The following RELL1 variants were observed in gnomAD, a reference collection of about 807,000 sequenced individuals.
RELL1 encodes the protein RELT-like protein 1.
In RELL1, 10 loss-of-function variants were observed where a neutral mutation model predicts 23.0. The observed-to-expected ratio is 0.43, with a 90% CI of 0.27 to 0.74. The LOEUF is 0.74. RELL1 is among the 30% of genes least tolerant of loss of function. The probability of loss-of-function intolerance (pLI) is 0.19; values close to 1 mark genes in which losing one functional copy is unlikely to be tolerated. For synonymous variants in RELL1, 146 were observed against 146.8 expected, an observed-to-expected ratio of 0.99 and a Z score of 0.04; for missense variants, 315 against 364.4, an observed-to-expected ratio of 0.86 and a Z score of 1.10.
downstream of RELL1, among the ~76,000 whole-genome samples, chr4:37,605,795 GAAAGAAAGAA>G (rs1438477301): frequency 5.3e-3 from 403 of 76,746 alleles, 3 homozygotes; most frequent in African/African-American, 0.018. Context: ...GAAAGAAAGA[GAAAGAAAGAA>G]AGAAAGAAAG....
At chr4:37,672,947 A>G (rs1318531013) in intron 1 of RELL1, among the ~76,000 whole-genome samples, 1 of 152,184 alleles carries the variant, frequency 6.6e-6, no homozygotes, top group Non-Finnish European at 1.5e-5. Flanking sequence ...GGGCCAAAAA[A>G]TGAAAATATA....
intron 6 of RELL1, among the ~76,000 whole-genome samples, chr4:37,605,620 T>C: frequency 6.6e-6 from 1 of 151,672 alleles, no homozygotes; most frequent in East Asian, 1.9e-4. Flanking sequence ...CGTATGCTTG[T>C]AATCCCAGCT....
At chr4:37,624,803 C>T (rs997822448) in intron 6 of RELL1, among the ~76,000 whole-genome samples, 3 of 152,162 alleles carry the variant, frequency 2.0e-5, no homozygotes, top group African/African-American at 7.2e-5. Context: ...TTGACAAATA[C>T]TATCTATTTC....
chr4:37,601,934 C>T (rs1049096706), intron 6 of RELL1, among the ~76,000 whole-genome samples: 1 of 152,016 alleles, frequency 6.6e-6, no homozygotes, highest in Non-Finnish European at 1.5e-5. Context: ...AGCAACCAGG[C>T]TGGGCACAGT....
At chr4:37,669,388 C>G (rs1179047426) in intron 1 of RELL1, among the ~76,000 whole-genome samples, 1 of 148,140 alleles carries the variant, frequency 6.8e-6, no homozygotes, top group African/African-American at 2.5e-5. Flanking sequence ...CCCGGCCAGC[C>G]GCCCCGTCCG....
At chr4:37,613,439 A>AAT (rs1451852561) in intron 6 of RELL1, 97 bp from the exon 7 acceptor site, 1 of 152,160 alleles carries the variant, frequency 6.6e-6, no homozygotes, top group Non-Finnish European at 1.5e-5. Context: ...GAAGAATTAT[A>AAT]ATCTATTCTT....
intron 6 of RELL1, among the ~76,000 whole-genome samples, chr4:37,600,534 A>C (rs559336933): frequency 3.9e-5 from 6 of 152,192 alleles, no homozygotes; most frequent in Non-Finnish European, 8.8e-5. Context: ...CATTATCTTC[A>C]TCATTTAACA....
At chr4:37,602,575 T>C (rs529842105) in intron 6 of RELL1, among the ~76,000 whole-genome samples, 1 of 151,784 alleles carries the variant, frequency 6.6e-6, no homozygotes, top group South Asian at 2.1e-4. Flanking sequence ...TGATCAGCCG[T>C]GGGGGATGGA....
At chr4:37,638,224 G>C (rs942959283) in intron 4 of RELL1, among the ~76,000 whole-genome samples, 11 of 152,174 alleles carry the variant, frequency 7.2e-5, no homozygotes, top group Non-Finnish European at 1.0e-4. Flanking sequence ...GGGAGGGTGG[G>C]GGCAGGGGAT....
At chr4:37,600,878 G>T (rs1215700278) in intron 6 of RELL1, among the ~76,000 whole-genome samples, 2 of 151,736 alleles carry the variant, frequency 1.3e-5, no homozygotes. Flanking sequence ...TTCAATTTGG[G>T]TATAATGTTA....
chr4:37,627,202 T>A (rs1185755296), intron 6 of RELL1, among the ~76,000 whole-genome samples: 1 of 152,208 alleles, frequency 6.6e-6, no homozygotes, highest in Non-Finnish European at 1.5e-5. Flanking sequence ...AAAGTATGGT[T>A]ATGTAAACTT....
At chr4:37,605,637 G>A (rs1346167894), downstream of RELL1, among the ~76,000 whole-genome samples, 1 of 151,732 alleles carries the variant, frequency 6.6e-6, no homozygotes, top group African/African-American at 2.4e-5. Context: ...AGCTACTCAG[G>A]AGGCTGAGGC....
chr4:37,671,371 G>T (rs2109309164), intron 1 of RELL1, among the ~76,000 whole-genome samples: 2 of 152,360 alleles, frequency 1.3e-5, no homozygotes, highest in East Asian at 3.9e-4. Context: ...TGAGATAGGA[G>T]ATCAGCATAA....
chr4:37,675,394 A>T (rs1035926268), intron 1 of RELL1, among the ~76,000 whole-genome samples: 1 of 152,198 alleles, frequency 6.6e-6, no homozygotes, highest in Non-Finnish European at 1.5e-5. Flanking sequence ...CCTTCTCTTC[A>T]TCTTGGTTAT....
At chr4:37,597,765 C>T (rs1027314260) in intron 6 of RELL1, among the ~76,000 whole-genome samples, 1 of 152,080 alleles carries the variant, frequency 6.6e-6, no homozygotes, top group South Asian at 2.1e-4. Flanking sequence ...TTAAAATTTA[C>T]AGGGGCTGGG....
downstream of RELL1, among the ~76,000 whole-genome samples, chr4:37,586,386 C>T (rs1689862814): frequency 3.3e-5 from 5 of 152,086 alleles, no homozygotes; most frequent in Admixed American, 3.3e-4. Flanking sequence ...TGCTCTGTAC[C>T]AGGTGCTGTC....
intron 1 of RELL1, among the ~76,000 whole-genome samples, chr4:37,649,993 A>G (rs1445329825): frequency 6.6e-6 from 1 of 152,242 alleles, no homozygotes; most frequent in Admixed American, 6.5e-5. Context: ...GACAATGGAC[A>G]AGAACTTAAC....
At chr4:37,678,938 G>T (rs887239880) in intron 1 of RELL1, among the ~76,000 whole-genome samples, 1 of 152,200 alleles carries the variant, frequency 6.6e-6, no homozygotes, top group Non-Finnish European at 1.5e-5. Context: ...CTGGCAGCTG[G>T]CAAGGGAAAT....
At chr4:37,672,262 C>T (rs562989587) in intron 1 of RELL1, among the ~76,000 whole-genome samples, 5 of 152,124 alleles carry the variant, frequency 3.3e-5, no homozygotes, top group South Asian at 4.2e-4. Context: ...GTCCCCATCC[C>T]GTAGCTACCT....
Sources: allele counts gnomAD v4.1 joint callset (sites outside exome capture counted in the v4.1 genomes callset), GRCh38; gene constraint gnomAD v4.1.1; transcripts MANE v1.5; gene names NCBI Gene and HGNC (gene_info 2026-07-23, HGNC 2026-07-21).